The following LRRC9 variants were observed in gnomAD, a reference collection of about 807,000 sequenced individuals.
LRRC9 encodes the protein leucine rich repeat containing 9, also known as leucine-rich repeat-containing protein 9.
In LRRC9, 122 loss-of-function variants were observed where a neutral mutation model predicts 63.2. The observed-to-expected ratio is 1.93, with a 90% CI of 1.67 to 2.24. The LOEUF (loss-of-function observed/expected upper bound fraction) is 2.24, where lower values mean the gene tolerates loss of function less well. Among genes scored for constraint, LRRC9 ranks in the 30% most tolerant of loss-of-function variants. LRRC9 has a pLI of 0.00. For synonymous variants in LRRC9, 366 were observed against 213.1 expected (o/e 1.72, Z -6.25); for missense variants, 1,071 against 627.7 (o/e 1.71, Z -7.55).
chr14:59,975,140 C>CATATATATGT lies in LRRC9; in HGVS notation c.1639+440_1639+441insGTATATATAT, dbSNP rs1886092193. ...ATATATATATATGTATATATATATACATATATATATGTATATATATATATG... is the reference window on the plus strand; with the variant it reads ...ATATATATATATGTATATATATATACATATATATGTATATATATATGTATATATATATATG... On this transcript the variant is annotated intron_variant, in intron 13 of 31. Coordinates refer to ENST00000445360, the Ensembl canonical transcript of LRRC9. 6.7e-4 allele frequency among the ~76,000 whole-genome samples: 9 copies of CATATATATGT among 13,514 alleles called. 1 individual carries two copies. The South Asian group carries it at 0.016, about 25-fold the overall frequency. The allele number at this position is 13,514 out of a possible 152,430, so 8.9% of individuals were successfully genotyped here. A position where few individuals can be genotyped will look rare whatever the true frequency, so the allele number is the denominator to read the frequency against.
rs1345024386 is a variant in LRRC9 at position 59,936,683 on chromosome 14, C to G, written c.544-1707C>G. Among the ~76,000 whole-genome samples the G allele has an allele frequency of 1.3e-5, 2 of 152,196 alleles. No individual in the cohort carries two copies. Among genetic ancestry groups the G allele is most frequent in the Admixed American group, 6.5e-5 (1 of 15,270 alleles). ...TGACCAAATAATTCTCTGCACAGCT[C>G]TGTCCATAAATCTTCCTTTTAGAGC... On this transcript the variant is annotated intron_variant, in intron 6 of 31. Transcript: ENST00000445360. The surrounding 1 kb of genome is among the most constrained non-coding windows in gnomAD (Gnocchi z 4.2).
In LRRC9 at chr14:59,938,979, A is replaced by G. The variant is rs186047404; in HGVS notation, c.726+407A>G. On this transcript the variant is annotated intron_variant, in intron 7 of 31. Transcript: ENST00000445360. This position sits in a 1 kb window ranked among gnomAD's most constrained non-coding sequence, Gnocchi z 4.2. ...TATACACACATATATACATATATACATATATACACACATATATACATATAC... is the reference window on the plus strand; with the variant it reads ...TATACACACATATATACATATATACGTATATACACACATATATACATATAC... Among the ~76,000 whole-genome samples the G allele has an allele frequency of 3.4e-4, 50 of 145,896 alleles. No homozygotes were observed. In the East Asian group the frequency reaches 9.0e-3, roughly 26 times the overall value.
In LRRC9 at chr14:59,995,008, T is replaced by TAAA. The variant is rs10676113; in HGVS notation, c.2212-2640_2212-2638dup. Among the ~76,000 whole-genome samples the TAAA allele has an allele frequency of 5.3e-3, 789 of 149,582 alleles. 3 individuals are homozygous for TAAA. Among genetic ancestry groups the TAAA allele is most frequent in the African/African-American group, 0.016 (646 of 40,458 alleles). On this transcript the variant is annotated intron_variant, in intron 17 of 31. Transcript: ENST00000445360. ...ATGTACCCTAAAACTGAAAGTATAA[T>TAAA]AAAAAAAAAAGAAAATAAATGTATC...
chr14:59,936,723 C>T lies in LRRC9; in HGVS notation c.544-1667C>T, dbSNP rs946070698. 3.3e-5 allele frequency among the ~76,000 whole-genome samples: 5 copies of T among 152,190 alleles called. No homozygotes were observed. The highest frequency in any genetic ancestry group is 1.2e-4 in the African/African-American group (5 of 41,458). Reference sequence around the variant, plus strand: ...CCTTTTAGAGCAACTCTGCTTAGTCCTCCTCCCTGCATAGGCTCAGCCCAA... The same window carrying T: ...CCTTTTAGAGCAACTCTGCTTAGTCTTCCTCCCTGCATAGGCTCAGCCCAA... On this transcript the variant is annotated intron_variant, in intron 6 of 31. Coordinates refer to ENST00000445360, the Ensembl canonical transcript of LRRC9. This position sits in a 1 kb window ranked among gnomAD's most constrained non-coding sequence, Gnocchi z 4.2.
In LRRC9 at chr14:59,930,645, T is replaced by C. The variant is rs963450632; in HGVS notation, c.268-273T>C. Among the ~76,000 whole-genome samples the C allele has an allele frequency of 1.3e-5, 2 of 151,706 alleles. No homozygotes were observed. Among genetic ancestry groups the C allele is most frequent in the South Asian group, 4.1e-4 (2 of 4,830 alleles). On this transcript the variant is annotated intron_variant, in intron 3 of 31. Coordinates refer to ENST00000445360, the Ensembl canonical transcript of LRRC9. This position sits in a 1 kb window ranked among gnomAD's most constrained non-coding sequence, Gnocchi z 4.9. ...TTATAATCATAACCATATAGAAATA[T>C]GATATGTGATATATATGATTACAAT...
intron 27 of LRRC9, among the ~76,000 whole-genome samples, chr14:60,024,760 T>G (rs1481228678): frequency 6.6e-6 from 1 of 152,084 alleles, no homozygotes; most frequent in Non-Finnish European, 1.5e-5. Flanking sequence ...GGGCTGCTAG[T>G]GTACCCATTG....
Position 59,967,944 on chromosome 14 carries a change from A to G in LRRC9, c.1506+731A>G, listed in dbSNP as rs917971511. Among the ~76,000 whole-genome samples, 8 of 152,238 alleles carry G rather than the reference A, an allele frequency of 5.3e-5. 1 individual carries two copies. The highest frequency in any genetic ancestry group is 1.0e-4 in the Non-Finnish European group (7 of 68,036). On this transcript the variant is annotated intron_variant, in intron 12 of 31. Coordinates refer to ENST00000445360, the Ensembl canonical transcript of LRRC9. ...TTGTTAGGATTTAGTGAGATAATGC[A>G]TTAAAAATTTCTTGGATATTGGTAC...
intron 24 of LRRC9, 137 bp from the exon 25 acceptor site, chr14:60,018,229 TTTACA>T: frequency 1.7e-6 from 1 of 592,078 alleles, no homozygotes; most frequent in South Asian, 2.0e-5. Flanking sequence ...ACCAATTCAT[TTTACA>T]TTAAAGTAAT....
exon 27 of LRRC9, chr14:60,022,861 T>C (rs900069879): frequency 7.4e-6 from 5 of 671,364 alleles, no homozygotes; most frequent in African/African-American, 1.8e-5. Flanking sequence ...AAAATTCCTC[T>C]TTCTACAGGG....
chr14:60,044,464 C>T (rs1472553083), intron 29 of LRRC9, among the ~76,000 whole-genome samples: 1 of 152,114 alleles, frequency 6.6e-6, no homozygotes, highest in Non-Finnish European at 1.5e-5. Context: ...ACTGCTTCTG[C>T]CATAATCCCA....
intron 29 of LRRC9, among the ~76,000 whole-genome samples, chr14:60,035,146 T>C (rs573766476): frequency 7.4e-4 from 112 of 152,164 alleles, no homozygotes; most frequent in Non-Finnish European, 1.5e-3. Flanking sequence ...GTATGTCTTC[T>C]TTTGATAAAT....
chr14:60,016,678 A>G, exon 24 of LRRC9: 1 of 699,834 alleles, frequency 1.4e-6, no homozygotes, highest in Non-Finnish European at 2.6e-6. Flanking sequence ...AGAGACTGAC[A>G]GTGCAAAAGA....
exon 17 of LRRC9, chr14:59,985,215 A>G (rs1001806141): frequency 1.5e-6 from 1 of 651,402 alleles, no homozygotes. Flanking sequence ...TAGATGATGT[A>G]TACCACTTGG....
intron 30 of LRRC9, among the ~76,000 whole-genome samples, chr14:60,055,731 TAAAAAAAA>T (rs755671026): frequency 4.2e-5 from 5 of 119,584 alleles, no homozygotes; most frequent in Non-Finnish European, 9.0e-5. Context: ...TGTCTCTATT[TAAAAAAAA>T]AAAAAAACAA....
In LRRC9 at chr14:60,060,031, G is replaced by A. The variant is rs1358046035; in HGVS notation, c.4276+2009G>A. 6.6e-6 allele frequency among the ~76,000 whole-genome samples: 1 copy of A among 152,214 alleles called. No individual in the cohort carries two copies. Among genetic ancestry groups the A allele is most frequent in the African/African-American group, 2.4e-5 (1 of 41,450 alleles). The stretch of plus-strand genomic sequence containing the variant: ...TCTGACTCTCTTGTTAGGGGCTAGT[G>A]CAGCTGGTGACTTTAAGTTGAATAC... On this transcript the variant is annotated intron_variant, in intron 31 of 31. Transcript: ENST00000445360. The surrounding 1 kb of genome is among the most constrained non-coding windows in gnomAD (Gnocchi z 4.0).
intron 12 of LRRC9, among the ~76,000 whole-genome samples, chr14:59,971,764 G>C (rs1885533550): frequency 6.6e-6 from 1 of 151,824 alleles, no homozygotes; most frequent in African/African-American, 2.4e-5. Context: ...TCATTTTCCA[G>C]TGGCTCTTCA....
At position 60,027,893 on chromosome 14, in the gene LRRC9, T is replaced by C. The variant is rs1051451119; in HGVS notation, c.3713T>C (p.Ile1238Thr). 4 of 698,768 alleles carry C rather than the reference T, an allele frequency of 5.7e-6. No homozygotes were observed. The highest frequency in any genetic ancestry group is 1.0e-5 in the Non-Finnish European group (4 of 383,138). 43.3% of individuals were successfully genotyped at this position (698,768 alleles called of 1,614,324 possible). A position where few individuals can be genotyped will look rare whatever the true frequency, so the allele number is the denominator to read the frequency against. Residue 1238 changes from isoleucine to threonine, a missense_variant, in exon 28 of 32, where the codon ATC (isoleucine) becomes ACC (threonine). Ile to Thr is a moderately conservative substitution (Grantham distance 89). Transcript: ENST00000445360. The surrounding 1 kb of genome is among the most constrained non-coding windows in gnomAD (Gnocchi z 4.0). ...ACTTATCTCTTTTTAGGTAATGAAA[T>C]CAGCCAAGTTGAAGGGCTTGACAAC... is the stretch of plus-strand genomic sequence containing the variant.
rs74527637 is a variant in LRRC9, at chr14:60,056,058, C to T, written c.4132-1820C>T. On this transcript the variant is annotated intron_variant, in intron 30 of 31. Coordinates refer to ENST00000445360, the Ensembl canonical transcript of LRRC9. Reference sequence around the variant, plus strand: ...ATGCCATCACTTAGACCTCTGCTTCCATGATCACTTCCCCTTCTCTCTGAC... The same window carrying T: ...ATGCCATCACTTAGACCTCTGCTTCTATGATCACTTCCCCTTCTCTCTGAC... Among the ~76,000 whole-genome samples, 516 of 152,320 alleles carry T rather than the reference C, an allele frequency of 3.4e-3. 18 individuals carry two copies. The East Asian group carries it at 0.058, about 17-fold the overall frequency.
At chr14:60,061,927 C>T (rs1040360801) in intron 31 of LRRC9, 84 bp from the exon 32 acceptor site, 1 of 396,840 alleles carries the variant, frequency 2.5e-6, no homozygotes, top group African/African-American at 2.1e-5. Context: ...GACAACCAAA[C>T]TATATTGCTT....
Sources: allele counts gnomAD v4.1 joint callset (sites outside exome capture counted in the v4.1 genomes callset), GRCh38; gene constraint gnomAD v4.1.1; non-coding constraint Gnocchi (gnomAD v3.1); transcripts MANE v1.5; gene names NCBI Gene and HGNC (gene_info 2026-07-23, HGNC 2026-07-21).